The following BSN variants were observed in gnomAD, a reference collection of about 807,000 sequenced individuals.
BSN encodes the protein protein bassoon.
In BSN, 57 loss-of-function variants were observed where a neutral mutation model predicts 264.8. That is an observed-to-expected ratio of 0.22 (90% CI 0.17 to 0.27). BSN has a LOEUF of 0.27. BSN is among the 10% of genes least tolerant of loss of function. The probability of loss-of-function intolerance (pLI) is 1.00; values close to 1 mark genes in which losing one functional copy is unlikely to be tolerated. For missense variants in BSN, 4,615 were observed against 5,232.5 expected (o/e 0.88, Z 3.64); for synonymous variants, 2,059 against 2,137.3 (o/e 0.96, Z 1.01).
chr3:49,577,597 T>C (rs2051855856), intron 1 of BSN, among the ~76,000 whole-genome samples: 1 of 151,578 alleles, frequency 6.6e-6, no homozygotes, highest in East Asian at 1.9e-4. Flanking sequence ...TGGAGCTCAG[T>C]GGCATGATCA....
At chr3:49,672,537 G>A (rs1158275543), downstream of BSN, among the ~76,000 whole-genome samples, 1 of 151,062 alleles carries the variant, frequency 6.6e-6, no homozygotes, top group Admixed American at 6.6e-5. Context: ...CTGGAGTGCA[G>A]TGGCATGATC....
At chr3:49,630,582 G>A (rs944997976) in intron 2 of BSN, among the ~76,000 whole-genome samples, 2 of 152,218 alleles carry the variant, frequency 1.3e-5, no homozygotes, top group African/African-American at 4.8e-5. Flanking sequence ...CACAGCCACT[G>A]GGGCCGTGAG....
chr3:49,597,768 C>A (rs924250142), intron 1 of BSN, among the ~76,000 whole-genome samples: 1 of 151,710 alleles, frequency 6.6e-6, no homozygotes. Context: ...TCAGCCTCCC[C>A]AGTAGCTGGG....
intron 1 of BSN, among the ~76,000 whole-genome samples, chr3:49,579,427 G>C (rs2051876200): frequency 6.6e-6 from 1 of 151,108 alleles, no homozygotes; most frequent in South Asian, 2.1e-4. Flanking sequence ...TTTTGAGACG[G>C]AGTCTCGCAC....
At chr3:49,624,341 C>T (rs1230965013) in intron 1 of BSN, among the ~76,000 whole-genome samples, 1 of 120,398 alleles carries the variant, frequency 8.3e-6, no homozygotes, top group Non-Finnish European at 1.7e-5. Flanking sequence ...CTCTGTTGCC[C>T]AGGCTGGAGT....
intron 2 of BSN, among the ~76,000 whole-genome samples, chr3:49,632,797 A>C (rs2052391524): frequency 1.3e-5 from 2 of 151,984 alleles, no homozygotes; most frequent in South Asian, 4.1e-4. Flanking sequence ...GTCTAAAAAA[A>C]AAGTGGGGGG....
In BSN at chr3:49,656,028, C is replaced by T; in HGVS notation, c.6472C>T (p.His2158Tyr). 1 of 1,601,834 alleles carries T rather than the reference C, an allele frequency of 6.2e-7. No homozygotes were observed. Among genetic ancestry groups the T allele is most frequent in the Non-Finnish European group, 8.5e-7 (1 of 1,173,646 alleles). ...LLGNPTFPEG[H>Y]PSPGNLAQYG... ...TGGTAACCCCACCTTTCCAGAGGGC[C>T]ACCCAAGTCCTGGGAACTTGGCCCA... The change falls in exon 5 of 12, where the codon CAC becomes TAC. Residue 2158 changes from histidine to tyrosine, a missense_variant. His to Tyr is a moderately conservative substitution (Grantham distance 83). Transcript: ENST00000296452.
In BSN at chr3:49,653,259, C is replaced by A. The variant is rs150749336; in HGVS notation, c.3703C>A (p.Arg1235Ser). 3.7e-5 allele frequency: 59 copies of A among 1,612,722 alleles called. 1 individual carries two copies. In the Middle Eastern group the frequency reaches 4.9e-4, roughly 13 times the overall value. Residue 1235 changes from arginine to serine, a missense_variant, in exon 5 of 12, where the codon CGT (arginine) becomes AGT (serine). Physicochemically the swap from Arg to Ser is moderately radical, Grantham distance 110. This residue lies in a region of BSN where 3,415 missense variants were observed against 3,866.4 expected (regional missense o/e 0.88). Coordinates refer to ENST00000296452, the MANE Select transcript of BSN (RefSeq NM_003458.4). The surrounding 1 kb of genome is among the most constrained non-coding windows in gnomAD (Gnocchi z 6.3). ...GSFEYQDTTD[R>S]EYGQAAQPAA... is the part of the protein sequence containing the mutation. ...CTTCGAATATCAAGACACTACAGAC[C>A]GTGAGTATGGCCAGGCTGCTCAGCC...
intron 1 of BSN, among the ~76,000 whole-genome samples, chr3:49,565,004 A>C (rs1011864578): frequency 1.3e-5 from 2 of 151,954 alleles, no homozygotes; most frequent in African/African-American, 4.8e-5. Flanking sequence ...GTAAAAAAAA[A>C]AAAGAAGAAA....
intron 1 of BSN, among the ~76,000 whole-genome samples, chr3:49,565,678 C>T (rs2051747441): frequency 6.6e-6 from 1 of 152,114 alleles, no homozygotes; most frequent in African/African-American, 2.4e-5. Context: ...TAGGATGTAC[C>T]TCTAGTAGTT....
At position 49,651,467 on chromosome 3, in the gene BSN, G is replaced by A. The variant is rs2052540560; in HGVS notation, c.1987-76G>A. 2.1e-5 allele frequency: 31 copies of A among 1,451,708 alleles called. No homozygotes were observed. The highest frequency in any genetic ancestry group is 2.8e-5 in the Non-Finnish European group (30 of 1,076,108). The allele number at this position is 1,451,708 out of a possible 1,614,324, so 89.9% of individuals were successfully genotyped here. A position where few individuals can be genotyped will look rare whatever the true frequency, so the allele number is the denominator to read the frequency against. On this transcript the variant is annotated intron_variant, in intron 4 of 11. Coordinates refer to ENST00000296452, the MANE Select transcript of BSN (RefSeq NM_003458.4). The surrounding 1 kb of genome is among the most constrained non-coding windows in gnomAD (Gnocchi z 5.4). ...GACAGACTCTTCCCCAGGGTCCTGGGATTGACAGGGAGGATTGGGTTCCCA... is the reference window on the plus strand; with the variant it reads ...GACAGACTCTTCCCCAGGGTCCTGGAATTGACAGGGAGGATTGGGTTCCCA...
rs1174097771 is a variant in BSN, at chr3:49,554,515, A to C, written c.-88A>C. 1 of 370,836 alleles carries C rather than the reference A, an allele frequency of 2.7e-6. No individual in the cohort carries two copies. Among genetic ancestry groups the C allele is most frequent in the Non-Finnish European group, 3.7e-6 (1 of 268,862 alleles). The allele number at this position is 370,836 out of a possible 1,614,324, so 23.0% of individuals were successfully genotyped here. A position where few individuals can be genotyped will look rare whatever the true frequency, so the allele number is the denominator to read the frequency against. ...AGCCGAGCTGGGAGATGGCGGCGGC[A>C]GCGGCGGCGCCGAGAGTGTGAGCAC... On this transcript the variant is annotated 5_prime_UTR_variant, in exon 1 of 12. Coordinates refer to ENST00000296452, the MANE Select transcript of BSN (RefSeq NM_003458.4).
intron 1 of BSN, among the ~76,000 whole-genome samples, chr3:49,605,743 A>ATAAATG (rs2052127479): frequency 9.8e-5 from 4 of 40,936 alleles, no homozygotes; most frequent in African/African-American, 9.1e-5. Context: ...ATATATAAAT[A>ATAAATG]TATATAATAT....
rs777607881 is a variant in BSN, at chr3:49,663,353, C to T, written c.11195C>T (p.Pro3732Leu). 9 of 1,613,454 alleles carry T rather than the reference C, an allele frequency of 5.6e-6. No individual in the cohort carries two copies. Among genetic ancestry groups the T allele is most frequent in the Non-Finnish European group, 7.6e-6 (9 of 1,180,032 alleles). The change falls in exon 7 of 12, where the codon CCC (proline) becomes CTC (leucine). Residue 3732 changes from proline to leucine, a missense_variant. By Grantham distance (98) the Pro-to-Leu change is moderately conservative (BLOSUM62 -3). Around this residue, in one of 3 missense-constraint regions of BSN, gnomAD observed 3,415 missense variants for 3,866.4 expected, o/e 0.88. Coordinates refer to ENST00000296452, the MANE Select transcript of BSN (RefSeq NM_003458.4). ...GGCTCCCGGCAAGCCCACTCCGGGC[C>T]CGCTGCACTGCAGTCAAAGGCAGAA... ...KKGSRQAHSGPAALQSKAEPQ... is the reference protein window; with the variant it reads ...KKGSRQAHSGLAALQSKAEPQ...
rs147711819 is a variant in BSN at position 49,609,502 on chromosome 3, C to T, written c.225-15473C>T. On this transcript the variant is annotated intron_variant, in intron 1 of 11. Coordinates refer to ENST00000296452, the MANE Select transcript of BSN (RefSeq NM_003458.4). ...GAGGAGCCTCAGGTATCCCTGCCAA[C>T]GGCACTGCAGGAAGAGGAAAAACTG... 6.6e-5 allele frequency among the ~76,000 whole-genome samples: 10 copies of T among 152,204 alleles called. No homozygotes were observed. The East Asian group carries it at 1.2e-3, about 18-fold the overall frequency.
At position 49,567,545 on chromosome 3, in the gene BSN, G is replaced by C. The variant is rs531869144; in HGVS notation, c.224+12719G>C. 2.0e-5 allele frequency among the ~76,000 whole-genome samples: 3 copies of C among 152,312 alleles called. No individual in the cohort carries two copies. In the South Asian group the frequency reaches 6.2e-4, roughly 32 times the overall value. On this transcript the variant is annotated intron_variant, in intron 1 of 11. Transcript: ENST00000296452. ...TTCCCTGGACAGCAGTCTAGCTGGG[G>C]CATGTTCTTCTTACGGAGATGAGAG...
Position 49,653,018 on chromosome 3 carries a change from C to T in BSN, c.3462C>T (p.Asn1154=), listed in dbSNP as rs779791532. 7 of 1,613,586 alleles carry T rather than the reference C, an allele frequency of 4.3e-6. No homozygotes were observed. The highest frequency in any genetic ancestry group is 3.3e-4 in the Middle Eastern group (2 of 6,060). ...SRLYKSGSEY[N]LPTFMSLYSP... is the part of the protein sequence containing the mutation. ...TTTACAAGTCAGGCAGTGAGTACAA[C>T]CTGCCCACCTTCATGTCCCTCTACT... Residue 1154 remains asparagine, a synonymous_variant, in exon 5 of 12, where the codon AAC becomes AAT. Transcript: ENST00000296452. The surrounding 1 kb of genome is among the most constrained non-coding windows in gnomAD (Gnocchi z 6.3).
At chr3:49,664,297 A>G (rs975547753) in intron 8 of BSN, 126 bp from the exon 9 acceptor site, 9 of 1,239,070 alleles carry the variant, frequency 7.3e-6, no homozygotes, top group Non-Finnish European at 1.0e-5. Context: ...TTATTTCCCT[A>G]GCCTCCTTCT....
chr3:49,629,381 G>A (rs1198195905), intron 2 of BSN, among the ~76,000 whole-genome samples: 2 of 152,250 alleles, frequency 1.3e-5, no homozygotes, highest in Admixed American at 6.5e-5. Flanking sequence ...TTGGGGGTGG[G>A]AGGGAGACAA....
Sources: gnomAD v4.1 joint callset for allele counts (sites outside exome capture counted in the v4.1 genomes callset) on GRCh38, gnomAD v4.1.1 for gene constraint, gnomAD v4.1.1 regional missense constraint, Gnocchi (gnomAD v3.1) non-coding constraint, MANE v1.5 for transcripts, NCBI Gene and HGNC (gene_info 2026-07-23, HGNC 2026-07-21) for gene names.